Variants in ARHGAP15 observed in about 807,000 individuals in gnomAD.
ARHGAP15 encodes the protein Rho GTPase activating protein 15.
A neutral mutation model predicts 63.7 loss-of-function variants in ARHGAP15; 51 were observed. The observed-to-expected ratio is 0.80, with a 90% CI of 0.64 to 1.01. The LOEUF is 1.01. Among genes scored for constraint, ARHGAP15 ranks in the 50% least tolerant of loss-of-function variants. ARHGAP15 has a pLI of 0.00. For missense variants in ARHGAP15, 560 were observed against 564.6 expected, an observed-to-expected ratio of 0.99 and a Z score of 0.08; for synonymous variants, 191 against 193.8, an observed-to-expected ratio of 0.99 and a Z score of 0.12.
intron 11 of ARHGAP15, chr2:143,607,666 T>C (rs185820828): frequency 5.7e-4 from 87 of 152,276 alleles, no homozygotes; most frequent in Admixed American, 2.0e-3. Context: ...AATGCTGTTT[T>C]GCAGTTTCAA....
At chr2:143,346,228 ACTCTCTCT>A (rs61184430) in intron 6 of ARHGAP15, among the ~76,000 whole-genome samples, 1,432 of 139,556 alleles carry the variant, frequency 0.01, 22 homozygotes, top group African/African-American at 0.034. Flanking sequence ...TCTCACACAC[ACTCTCTCT>A]CACACACACA....
chr2:143,161,491 C>T (rs979787730), intron 2 of ARHGAP15, among the ~76,000 whole-genome samples: 1 of 151,874 alleles, frequency 6.6e-6, no homozygotes, highest in Non-Finnish European at 1.5e-5. Context: ...GGAGTTCCGT[C>T]TTTGAATTTG....
intron 12 of ARHGAP15, among the ~76,000 whole-genome samples, chr2:143,661,945 AG>A (rs1681816963): frequency 6.6e-6 from 1 of 152,200 alleles, no homozygotes; most frequent in South Asian, 2.1e-4. Context: ...GCTGATTGCT[AG>A]CACAGCAGTC....
intron 8 of ARHGAP15, among the ~76,000 whole-genome samples, chr2:143,439,422 CAAAAAAAAAAAAAA>C (rs529113949): frequency 9.5e-5 from 3 of 31,738 alleles, no homozygotes; most frequent in African/African-American, 2.2e-4. Flanking sequence ...GACTCTGTCT[CAAAAAAAAAAAAAA>C]AAAAAAAAAA....
intron 6 of ARHGAP15, among the ~76,000 whole-genome samples, chr2:143,414,877 C>T (rs1222511049): frequency 6.6e-6 from 1 of 152,114 alleles, no homozygotes; most frequent in Non-Finnish European, 1.5e-5. Context: ...TGCAGTGAGT[C>T]AAGATCACAC....
intron 5 of ARHGAP15, chr2:143,235,928 T>C: frequency 3.2e-6 from 5 of 1,544,796 alleles, no homozygotes; most frequent in Non-Finnish European, 4.4e-6. Flanking sequence ...AAGTACCTGC[T>C]GTACTTTGTG....
intron 13 of ARHGAP15, among the ~76,000 whole-genome samples, chr2:143,744,324 G>A (rs767794556): frequency 5.3e-5 from 8 of 152,178 alleles, no homozygotes; most frequent in Non-Finnish European, 1.2e-4. Flanking sequence ...TTATTCTACT[G>A]ACAGTGTTTG....
At chr2:143,595,049 A>C (rs1697458281) in intron 11 of ARHGAP15, among the ~76,000 whole-genome samples, 1 of 152,172 alleles carries the variant, frequency 6.6e-6, no homozygotes, top group South Asian at 2.1e-4. Context: ...ATAATCCATA[A>C]AATGAAGAGT....
intron 6 of ARHGAP15, among the ~76,000 whole-genome samples, chr2:143,277,205 T>C (rs1302713988): frequency 1.3e-5 from 2 of 152,144 alleles, no homozygotes; most frequent in Non-Finnish European, 2.9e-5. Flanking sequence ...GCCATTCTCT[T>C]TTCAAACAAC....
At chr2:143,461,604 G>A (rs966445140) in intron 8 of ARHGAP15, among the ~76,000 whole-genome samples, 2 of 152,120 alleles carry the variant, frequency 1.3e-5, no homozygotes, top group African/African-American at 2.4e-5. Flanking sequence ...TAAAGGAATC[G>A]ATCTATAAGT....
At chr2:143,170,053 G>A (rs953726661) in intron 2 of ARHGAP15, among the ~76,000 whole-genome samples, 3 of 150,174 alleles carry the variant, frequency 2.0e-5, no homozygotes, top group Non-Finnish European at 4.5e-5. Context: ...CCTTCGAGCT[G>A]CTCTGTGTGC....
At chr2:143,712,068 AC>A (rs1684605730) in intron 13 of ARHGAP15, among the ~76,000 whole-genome samples, 1 of 152,218 alleles carries the variant, frequency 6.6e-6, no homozygotes, top group Non-Finnish European at 1.5e-5. Context: ...GAAGGGCAAC[AC>A]CAGAAGTAGG....
intron 6 of ARHGAP15, among the ~76,000 whole-genome samples, chr2:143,304,689 CA>C (rs1160813250): frequency 7.2e-5 from 11 of 151,964 alleles, no homozygotes; most frequent in Admixed American, 7.2e-4. Context: ...AAATGAATAT[CA>C]CTTATTTAAA....
chr2:143,450,545 C>G (rs1209419437), intron 8 of ARHGAP15, among the ~76,000 whole-genome samples: 12 of 151,678 alleles, frequency 7.9e-5, no homozygotes, highest in Non-Finnish European at 1.5e-4. Flanking sequence ...TAGAAGTTAC[C>G]CTTTCCAGCT....
At position 143,767,989 on chromosome 2, in the gene ARHGAP15, G is replaced by GCC; in HGVS notation, c.1245_1246insCC (p.Ile416ProfsTer2). On this transcript the variant is annotated frameshift_variant and splice_region_variant, in exon 14 of 14. Transcript: ENST00000295095. LOFTEE classifies it high-confidence loss of function. Reference sequence around the variant, plus strand: ...TATTTTTTTTTCTCTCTCTCCACAGGATAGTGGCCAAAGCCTCCAAGAACC... The same window carrying GCC: ...TATTTTTTTTTCTCTCTCTCCACAGGCCATAGTGGCCAAAGCCTCCAAGAACC... 1.2e-6 allele frequency: 2 copies of GCC among 1,612,904 alleles called. No individual in the cohort carries two copies. Among genetic ancestry groups the GCC allele is most frequent in the Admixed American group, 3.3e-5 (2 of 59,918 alleles).
intron 6 of ARHGAP15, chr2:143,295,316 A>C (rs1293260723): frequency 6.6e-6 from 1 of 152,052 alleles, no homozygotes; most frequent in East Asian, 1.9e-4. Flanking sequence ...GTAGACTTGA[A>C]AGCCCCTGTT....
At chr2:143,388,571 C>G (rs1485497952) in intron 6 of ARHGAP15, among the ~76,000 whole-genome samples, 1 of 152,088 alleles carries the variant, frequency 6.6e-6, no homozygotes, top group African/African-American at 2.4e-5. Context: ...TGTATTTGCT[C>G]TAAACTTAAT....
intron 8 of ARHGAP15, among the ~76,000 whole-genome samples, chr2:143,470,920 G>T (rs1282596202): frequency 5.4e-5 from 8 of 147,614 alleles, no homozygotes; most frequent in African/African-American, 1.2e-4. Context: ...ACACGTATGT[G>T]TATATGTGTA....
At chr2:143,419,581 T>G (rs1346731132) in intron 6 of ARHGAP15, among the ~76,000 whole-genome samples, 2 of 151,360 alleles carry the variant, frequency 1.3e-5, no homozygotes, top group African/African-American at 4.9e-5. Flanking sequence ...AAAGCCTTCA[T>G]GATATGTTAA....
Sources: gnomAD v4.1 joint callset for allele counts (sites outside exome capture counted in the v4.1 genomes callset) on GRCh38, gnomAD v4.1.1 for gene constraint, MANE v1.5 for transcripts, NCBI Gene and HGNC (gene_info 2026-07-23, HGNC 2026-07-21) for gene names.